Variants in JCAD observed in about 807,000 individuals in gnomAD.
JCAD encodes the protein junctional cadherin 5 associated.
In JCAD, 40 loss-of-function variants were observed where a neutral mutation model predicts 98.0. The ratio of observed to expected loss-of-function variants is 0.41; its 90% CI spans 0.32 to 0.53. The LOEUF is 0.53. JCAD is among the 20% of genes least tolerant of loss of function. JCAD has a pLI of 0.31. For synonymous variants in JCAD, 691 were observed against 682.3 expected (o/e 1.01, Z -0.20); for missense variants, 1,705 against 1,738.1 (o/e 0.98, Z 0.34).
intron 3 of JCAD, among the ~76,000 whole-genome samples, chr10:30,023,430 G>T (rs973458881): frequency 2.0e-5 from 3 of 152,318 alleles, no homozygotes; most frequent in Admixed American, 6.5e-5. Flanking sequence ...GGCTGTACAG[G>T]TTTGCAGCCT....
Position 30,015,026 on chromosome 10 carries a change from G to A in JCAD, c.*2857C>T, listed in dbSNP as rs1433042816. On this transcript the variant is annotated 3_prime_UTR_variant, in exon 4 of 4. Transcript: ENST00000375377. ...ACTTTGCAGAAACATGAGGTTGAAA[G>A]TGATAATATAGATATTTGGTTTTCA... 6.6e-6 allele frequency: 1 copy of A among 152,240 alleles called. No homozygotes were observed. Among genetic ancestry groups the A allele is most frequent in the Non-Finnish European group, 1.5e-5 (1 of 68,046 alleles). The allele number at this position is 152,240 out of a possible 1,614,324, so 9.4% of individuals were successfully genotyped here. A position where few individuals can be genotyped will look rare whatever the true frequency, so the allele number is the denominator to read the frequency against.
intron 1 of JCAD, among the ~76,000 whole-genome samples, chr10:30,080,318 G>A (rs1838060168): frequency 6.6e-6 from 1 of 152,060 alleles, no homozygotes; most frequent in African/African-American, 2.4e-5. Context: ...CTCAGTTCCT[G>A]AGGCTCATGA....
intron 1 of JCAD, among the ~76,000 whole-genome samples, chr10:30,110,555 C>A (rs1041923320): frequency 1.3e-5 from 2 of 151,690 alleles, no homozygotes; most frequent in African/African-American, 2.4e-5. Context: ...GATGTATGGA[C>A]CCGCTGATGT....
intron 2 of JCAD, among the ~76,000 whole-genome samples, chr10:30,034,350 C>T (rs1003665368): frequency 5.9e-5 from 9 of 152,138 alleles, no homozygotes; most frequent in Non-Finnish European, 1.2e-4. Context: ...CAGAAAATAT[C>T]CAAAATCAAT....
At chr10:30,104,341 A>G (rs1404156339) in intron 1 of JCAD, among the ~76,000 whole-genome samples, 1 of 152,206 alleles carries the variant, frequency 6.6e-6, no homozygotes, top group Non-Finnish European at 1.5e-5. Context: ...GCCCATCAAC[A>G]GTGGATTGAT....
intron 1 of JCAD, among the ~76,000 whole-genome samples, chr10:30,072,294 CTG>C (rs1837907043): frequency 6.6e-6 from 1 of 152,208 alleles, no homozygotes; most frequent in Non-Finnish European, 1.5e-5. Flanking sequence ...TTAACTCTCT[CTG>C]CTCCTCAGTA....
rs1564443899 is a variant in JCAD at position 30,028,286 on chromosome 10, T to C, written c.1862A>G (p.Glu621Gly). 6.2e-7 allele frequency: 1 copy of C among 1,614,216 alleles called. No homozygotes were observed. Among genetic ancestry groups the C allele is most frequent in the East Asian group, 2.2e-5 (1 of 44,880 alleles). The change falls in exon 3 of 4, where the codon GAA becomes GGA. Residue 621 changes from glutamate (E) to glycine (G), a missense_variant. By Grantham distance (98) the Glu-to-Gly change is moderately conservative. This residue lies in a region of JCAD where 1,278 missense variants were observed against 1,243.1 expected (regional missense o/e 1.03). Coordinates refer to ENST00000375377, the MANE Select transcript of JCAD (RefSeq NM_020848.4). ...NGSDKSPALQ[E>G]QSLLSMSSTD... is the part of the protein sequence containing the mutation. ...GGAAGACATGCTCAGCAGACTCTGT[T>C]CTTGCAGAGCCGGGCTCTTATCAGA... is the stretch of plus-strand genomic sequence containing the variant.
chr10:30,032,608 T>C (rs972406158), intron 2 of JCAD, among the ~76,000 whole-genome samples: 5 of 152,230 alleles, frequency 3.3e-5, no homozygotes, highest in South Asian at 2.1e-4. Context: ...AATGGATTCA[T>C]TGTTGAAAAT....
chr10:30,042,134 T>C (rs1298335037), intron 2 of JCAD, among the ~76,000 whole-genome samples: 1 of 152,198 alleles, frequency 6.6e-6, no homozygotes, highest in Non-Finnish European at 1.5e-5. Context: ...GGCTAGCATC[T>C]AGATGAGCTC....
intron 1 of JCAD, among the ~76,000 whole-genome samples, chr10:30,112,095 G>A (rs562953555): frequency 6.6e-6 from 1 of 152,148 alleles, no homozygotes; most frequent in Non-Finnish European, 1.5e-5. Context: ...TAAACAAAAT[G>A]TGATATATAC....
At chr10:30,061,046 A>G (rs1190600563), upstream of JCAD, among the ~76,000 whole-genome samples, 1 of 152,196 alleles carries the variant, frequency 6.6e-6, no homozygotes, top group African/African-American at 2.4e-5. Flanking sequence ...AGCAGGCAGC[A>G]TGATTAGGGG....
chr10:30,078,352 T>A (rs769552201), intron 1 of JCAD, among the ~76,000 whole-genome samples: 2 of 152,182 alleles, frequency 1.3e-5, no homozygotes, highest in Non-Finnish European at 2.9e-5. Flanking sequence ...AACAGCTGAA[T>A]CAAGAAAGGC....
chr10:30,101,702 G>A (rs1265702406), intron 1 of JCAD, among the ~76,000 whole-genome samples: 2 of 151,982 alleles, frequency 1.3e-5, no homozygotes, highest in African/African-American at 4.8e-5. Flanking sequence ...GCTGAGAGGA[G>A]GGGTCCATTC....
intron 3 of JCAD, among the ~76,000 whole-genome samples, chr10:30,025,390 C>T (rs540453577): frequency 2.6e-5 from 4 of 151,840 alleles, no homozygotes; most frequent in Admixed American, 6.6e-5. Flanking sequence ...TGGTGACACA[C>T]GCCTGTAGTC....
intron 1 of JCAD, among the ~76,000 whole-genome samples, chr10:30,079,346 CAAAA>C (rs373809311): frequency 1.5e-5 from 1 of 64,668 alleles, no homozygotes. Flanking sequence ...GACTCCATCT[CAAAA>C]AAAAAAAAAA....
At chr10:30,034,063 A>G (rs1837058295) in intron 2 of JCAD, among the ~76,000 whole-genome samples, 1 of 151,818 alleles carries the variant, frequency 6.6e-6, no homozygotes, top group Non-Finnish European at 1.5e-5. Flanking sequence ...TCTCTACTAA[A>G]AATATAAAAA....
chr10:30,048,728 G>A (rs1837408204), intron 1 of JCAD, among the ~76,000 whole-genome samples: 1 of 152,024 alleles, frequency 6.6e-6, no homozygotes, highest in Admixed American at 6.6e-5. Context: ...ACCACGCCTG[G>A]CTAATTTTTT....
At chr10:30,096,922 A>G (rs979054041) in intron 1 of JCAD, among the ~76,000 whole-genome samples, 1 of 152,226 alleles carries the variant, frequency 6.6e-6, no homozygotes, top group Non-Finnish European at 1.5e-5. Context: ...CATTACAGTA[A>G]TTATAACAAT....
At chr10:30,113,548 CAAAAAAAAAAAAA>C (rs71023545) in intron 1 of JCAD, among the ~76,000 whole-genome samples, 11 of 15,966 alleles carry the variant, frequency 6.9e-4, no homozygotes, top group East Asian at 4.3e-3. Flanking sequence ...GAGACACTGT[CAAAAAAAAAAAAA>C]AAAAAAAAAA....
Sources: gnomAD v4.1 joint callset for allele counts (sites outside exome capture counted in the v4.1 genomes callset) on GRCh38, gnomAD v4.1.1 for gene constraint, gnomAD v4.1.1 regional missense constraint, MANE v1.5 for transcripts, NCBI Gene and HGNC (gene_info 2026-07-23, HGNC 2026-07-21) for gene names.